The following CSNK1G1 variants were observed in gnomAD, a reference collection of about 807,000 sequenced individuals.
CSNK1G1 encodes casein kinase 1 gamma 1.
CSNK1G1 carries 22 observed loss-of-function variants against 59.6 expected under a neutral mutation model. That is an observed-to-expected ratio of 0.37 (90% CI 0.26 to 0.53). The LOEUF is 0.53. Ranked by LOEUF, CSNK1G1 falls within the 20% of genes least tolerant of loss-of-function variation. CSNK1G1 has a pLI of 0.89. For missense variants in CSNK1G1, 384 were observed against 519.5 expected, an observed-to-expected ratio of 0.74 and a Z score of 2.54; for synonymous variants, 179 against 177.1, an observed-to-expected ratio of 1.01 and a Z score of -0.08.
chr15:64,251,340 A>C, intron 4 of CSNK1G1, 172 bp downstream of exon 4: 1 of 536,358 alleles, frequency 1.9e-6, no homozygotes, highest in East Asian at 3.0e-5. Context: ...ACTCAACTCC[A>C]GGAACCAGAG....
At chr15:64,260,024 T>C (rs569229732) in intron 2 of CSNK1G1, among the ~76,000 whole-genome samples, 1 of 152,310 alleles carries the variant, frequency 6.6e-6, no homozygotes, top group East Asian at 1.9e-4. Context: ...CTGTAATATA[T>C]GCTGGATACT....
chr15:64,241,879 G>A (rs1032448131), intron 4 of CSNK1G1, among the ~76,000 whole-genome samples: 1 of 147,996 alleles, frequency 6.8e-6, no homozygotes, highest in Admixed American at 6.7e-5. Flanking sequence ...ACAAAATTAA[G>A]ACCAAAAGTT....
At chr15:64,327,034 A>G (rs1896883638) in intron 1 of CSNK1G1, among the ~76,000 whole-genome samples, 1 of 151,032 alleles carries the variant, frequency 6.6e-6, no homozygotes, top group African/African-American at 2.4e-5. Context: ...CGCCCACGGA[A>G]TCTCGCTGAT....
intron 1 of CSNK1G1, among the ~76,000 whole-genome samples, chr15:64,304,342 C>CAG (rs970161088): frequency 1.1e-4 from 16 of 140,262 alleles, no homozygotes; most frequent in Middle Eastern, 3.6e-3. Context: ...GAGATCACGC[C>CAG]ATTGAACTCC....
chr15:64,188,498 T>C lies in CSNK1G1; in HGVS notation c.1108-8044A>G. 1 of 1,529,814 alleles carries C rather than the reference T, an allele frequency of 6.5e-7. No individual in the cohort carries two copies. Among genetic ancestry groups the C allele is most frequent in the Non-Finnish European group, 8.8e-7 (1 of 1,141,584 alleles). 94.8% of individuals were successfully genotyped at this position (1,529,814 alleles called of 1,614,324 possible). A position where few individuals can be genotyped will look rare whatever the true frequency, so the allele number is the denominator to read the frequency against. ...CTGATGATACATTCTGCTTAGGCGT[T>C]AGAAAGCATGAGAGCAAGATATGGA... is the stretch of plus-strand genomic sequence containing the variant. On this transcript the variant is annotated intron_variant, in intron 10 of 11. Coordinates refer to ENST00000303052, the MANE Select transcript of CSNK1G1 (RefSeq NM_022048.5). The surrounding 1 kb of genome is among the most constrained non-coding windows in gnomAD (Gnocchi z 4.2).
At chr15:64,269,020 C>T (rs1317608337) in intron 2 of CSNK1G1, among the ~76,000 whole-genome samples, 1 of 152,014 alleles carries the variant, frequency 6.6e-6, no homozygotes, top group Admixed American at 6.6e-5. Flanking sequence ...ACATTTATTC[C>T]TTGATTTTAC....
chr15:64,300,476 C>T lies in CSNK1G1; in HGVS notation c.24G>A (p.Lys8=). 1.2e-6 allele frequency: 2 copies of T among 1,614,138 alleles called. No homozygotes were observed. Among genetic ancestry groups the T allele is most frequent in the Non-Finnish European group, 1.7e-6 (2 of 1,179,996 alleles). The change falls in exon 2 of 12, where the codon AAG becomes AAA. Residue 8 remains lysine (K), a synonymous_variant. Coordinates refer to ENST00000303052, the MANE Select transcript of CSNK1G1 (RefSeq NM_022048.5). MDHPSRE[K]DERQRTTKPM... Reference sequence around the variant, plus strand: ...GTTTAGTTGTCCGTTGTCTTTCATCCTTTTCCCTACTAGGATGGTCCATGA... The same window carrying T: ...GTTTAGTTGTCCGTTGTCTTTCATCTTTTTCCCTACTAGGATGGTCCATGA...
intron 1 of CSNK1G1, among the ~76,000 whole-genome samples, chr15:64,310,484 G>A (rs1226504317): frequency 2.7e-5 from 4 of 150,900 alleles, no homozygotes; most frequent in African/African-American, 7.3e-5. Flanking sequence ...GGAAGGCCAA[G>A]ACAGAAGGAC....
Position 64,167,962 on chromosome 15 carries a change from G to A in CSNK1G1, c.*3969C>T, listed in dbSNP as rs897158385. The A allele has an allele frequency of 1.3e-5, 2 of 152,180 alleles. No homozygotes were observed. Among genetic ancestry groups the A allele is most frequent in the African/African-American group, 4.8e-5 (2 of 41,446 alleles). 9.4% of individuals were successfully genotyped at this position (152,180 alleles called of 1,614,324 possible). On this transcript the variant is annotated 3_prime_UTR_variant, in exon 12 of 12. Coordinates refer to ENST00000303052, the MANE Select transcript of CSNK1G1 (RefSeq NM_022048.5). ...TACATTATCATTGTTACATATTTCTGGCATTAAAAGTGGTTACTAGCACTG... is the reference window on the plus strand; with the variant it reads ...TACATTATCATTGTTACATATTTCTAGCATTAAAAGTGGTTACTAGCACTG...
intron 1 of CSNK1G1, chr15:64,316,820 T>A (rs1344588452): frequency 6.6e-6 from 1 of 152,178 alleles, no homozygotes; most frequent in African/African-American, 2.4e-5. Flanking sequence ...TTCTGTTCCA[T>A]TCTGAATACC....
intron 1 of CSNK1G1, among the ~76,000 whole-genome samples, chr15:64,325,417 C>G (rs1896787416): frequency 6.6e-6 from 1 of 152,148 alleles, no homozygotes; most frequent in South Asian, 2.1e-4. Flanking sequence ...GCCTAAAAGA[C>G]AATGCACATA....
intron 1 of CSNK1G1, among the ~76,000 whole-genome samples, chr15:64,342,870 T>C (rs774148676): frequency 6.6e-6 from 1 of 152,148 alleles, no homozygotes; most frequent in Non-Finnish European, 1.5e-5. Flanking sequence ...AAATACAGAT[T>C]GCTGGACCCC....
Position 64,290,419 on chromosome 15 carries a change from G to A in CSNK1G1, c.181+9900C>T, listed in dbSNP as rs114279196. On this transcript the variant is annotated intron_variant, in intron 2 of 11. Coordinates refer to ENST00000303052, the MANE Select transcript of CSNK1G1 (RefSeq NM_022048.5). ...CCTTAAAAAAATAATAAAATTTCAC[G>A]TTTTTTGCAGCAACATGGATGGAAC... is the stretch of plus-strand genomic sequence containing the variant. 3.1e-3 allele frequency among the ~76,000 whole-genome samples: 470 copies of A among 151,778 alleles called. 1 individual carries two copies. Among genetic ancestry groups the A allele is most frequent in the African/African-American group, 0.011 (446 of 41,360 alleles).
rs532942222 is a variant in CSNK1G1 at position 64,171,838 on chromosome 15, C to G, written c.*93G>C. 20 of 1,131,558 alleles carry G rather than the reference C, an allele frequency of 1.8e-5. No homozygotes were observed. In the South Asian group the frequency reaches 2.0e-4, roughly 11 times the overall value. The allele number at this position is 1,131,558 out of a possible 1,614,324, so 70.1% of individuals were successfully genotyped here. On this transcript the variant is annotated 3_prime_UTR_variant, in exon 12 of 12. Coordinates refer to ENST00000303052, the MANE Select transcript of CSNK1G1 (RefSeq NM_022048.5). This position sits in a 1 kb window ranked among gnomAD's most constrained non-coding sequence, Gnocchi z 4.8. ...TTTGGTTTGGATATCCACCCTCCCCCAAAGAGGAGTCCCTTCCAATGAGAA... is the reference window on the plus strand; with the variant it reads ...TTTGGTTTGGATATCCACCCTCCCCGAAAGAGGAGTCCCTTCCAATGAGAA...
intron 10 of CSNK1G1, among the ~76,000 whole-genome samples, chr15:64,192,135 A>AAG (rs1182634290): frequency 6.6e-6 from 1 of 152,254 alleles, no homozygotes; most frequent in Non-Finnish European, 1.5e-5. Flanking sequence ...AAACTAGTGG[A>AAG]AGAGATCAGC....
intron 2 of CSNK1G1, among the ~76,000 whole-genome samples, chr15:64,293,662 G>A (rs888775038): frequency 2.0e-5 from 3 of 152,224 alleles, no homozygotes; most frequent in African/African-American, 7.2e-5. Flanking sequence ...CCGTGGCCCT[G>A]TTAGGAACCA....
intron 2 of CSNK1G1, among the ~76,000 whole-genome samples, chr15:64,269,076 AG>A (rs1263852243): frequency 2.0e-5 from 3 of 151,916 alleles, no homozygotes; most frequent in African/African-American, 7.2e-5. Context: ...CCAAAAAAAA[AG>A]GGTAATTATC....
intron 1 of CSNK1G1, chr15:64,316,798 ATC>A (rs1024279520): frequency 2.6e-5 from 4 of 151,780 alleles, no homozygotes; most frequent in Admixed American, 6.6e-5. Context: ...CATCATGAAA[ATC>A]TCTGTCCTGT....
At chr15:64,327,091 T>C (rs1596282035) in intron 1 of CSNK1G1, among the ~76,000 whole-genome samples, 2 of 151,730 alleles carry the variant, frequency 1.3e-5, no homozygotes, top group African/African-American at 2.4e-5. Context: ...GCAGCGAGGC[T>C]GGGGGAGGGG....
Sources: gnomAD v4.1 joint callset for allele counts (sites outside exome capture counted in the v4.1 genomes callset) on GRCh38, gnomAD v4.1.1 for gene constraint, Gnocchi (gnomAD v3.1) non-coding constraint, MANE v1.5 for transcripts, NCBI Gene and HGNC (gene_info 2026-07-23, HGNC 2026-07-21) for gene names.